KDM2B: variants seen among roughly 807,000 people sequenced by gnomAD.
The protein encoded by KDM2B is lysine-specific demethylase 2B.
A neutral mutation model predicts 150.0 loss-of-function variants in KDM2B; 26 were observed. The observed-to-expected ratio is 0.17, with a 90% CI of 0.13 to 0.24. The LOEUF (loss-of-function observed/expected upper bound fraction) is 0.24. KDM2B is among the 10% of genes least tolerant of loss of function. The pLI is 1.00. For missense variants in KDM2B, 1,265 were observed against 1,816.9 expected (o/e 0.70, Z 5.52); for synonymous variants, 734 against 729.5 (o/e 1.01, Z -0.10).
Position 121,442,209 on chromosome 12 carries a change from T to C in KDM2B, c.3232A>G (p.Ser1078Gly), listed in dbSNP as rs1298750498. The C allele has an allele frequency of 6.2e-7, 1 of 1,613,276 alleles. No homozygotes were observed. Among genetic ancestry groups the C allele is most frequent in the Non-Finnish European group, 8.5e-7 (1 of 1,179,988 alleles). Residue 1078 changes from serine (S) to glycine (G), a missense_variant, in exon 19 of 23, where the codon AGC becomes GGC. Around this residue, in one of 11 missense-constraint regions of KDM2B, gnomAD observed 251 missense variants for 397.8 expected, o/e 0.63. Transcript: ENST00000377071. The surrounding 1 kb of genome is among the most constrained non-coding windows in gnomAD (Gnocchi z 7.7). ...ATGCACACACACAGGTCTTGGTGGC[T>C]GAGGTAGCTGAAGACGGCCATCCAC... ...EVWMAVFSYL[S>G]HQDLCVCMRV...
chr12:121,445,208 C>T, intron 14 of KDM2B, 67 bp downstream of exon 14: 1 of 1,561,416 alleles, frequency 6.4e-7, no homozygotes. Flanking sequence ...CACCATCTCA[C>T]CAGCATCTCC....
Position 121,533,034 on chromosome 12 carries a change from G to C in KDM2B, c.778-75C>G. ...CCCAGAGAGAGGGCCCCACCTGCCT[G>C]GCGGAAGGGGAGGGGGCGAGACAAG... On this transcript the variant is annotated intron_variant, in intron 7 of 22. Coordinates refer to ENST00000377071, the MANE Select transcript of KDM2B (RefSeq NM_032590.5). The surrounding 1 kb of genome is among the most constrained non-coding windows in gnomAD (Gnocchi z 4.1). The C allele has an allele frequency of 6.7e-7, 1 of 1,503,318 alleles. No individual in the cohort carries two copies. Among genetic ancestry groups the C allele is most frequent in the Middle Eastern group, 1.7e-4 (1 of 5,756 alleles). 93.1% of individuals were successfully genotyped at this position (1,503,318 alleles called of 1,614,324 possible). A position where few individuals can be genotyped will look rare whatever the true frequency, so the allele number is the denominator to read the frequency against.
rs2141132065 is a variant in KDM2B, at chr12:121,518,601, C to T, written c.1047+2384G>A. ...GATGCTCAGGGGTCCGGCCAGCACC[C>T]TGCCAGTCGTCATGGGTGGGGGAAG... On this transcript the variant is annotated intron_variant, in intron 9 of 22. Coordinates refer to ENST00000377071, the MANE Select transcript of KDM2B (RefSeq NM_032590.5). The surrounding 1 kb of genome is among the most constrained non-coding windows in gnomAD (Gnocchi z 4.4). Among the ~76,000 whole-genome samples the T allele has an allele frequency of 6.6e-6, 1 of 152,294 alleles. No homozygotes were observed. Among genetic ancestry groups the T allele is most frequent in the Non-Finnish European group, 1.5e-5 (1 of 68,030 alleles).
At chr12:121,570,594 G>T (rs910683506) in intron 4 of KDM2B, among the ~76,000 whole-genome samples, 1 of 152,148 alleles carries the variant, frequency 6.6e-6, no homozygotes, top group Non-Finnish European at 1.5e-5. Context: ...ACCAGAGTTG[G>T]CTTCTATAAA....
At chr12:121,538,026 G>T (rs1248470925) in intron 6 of KDM2B, among the ~76,000 whole-genome samples, 6 of 150,814 alleles carry the variant, frequency 4.0e-5, no homozygotes, top group African/African-American at 1.5e-4. Context: ...CGCGAGCCGA[G>T]CCCCCTCCAC....
At chr12:121,438,967 C>A (rs937719151) in intron 22 of KDM2B, among the ~76,000 whole-genome samples, 1 of 152,178 alleles carries the variant, frequency 6.6e-6, no homozygotes, top group African/African-American at 2.4e-5. Context: ...GGCAGCATTG[C>A]TCTGTGTACC....
In KDM2B at chr12:121,575,012, G is replaced by T. The variant is rs868918760; in HGVS notation, c.351-419C>A. Among the ~76,000 whole-genome samples, 1 of 152,144 alleles carries T rather than the reference G, an allele frequency of 6.6e-6. No individual in the cohort carries two copies. Among genetic ancestry groups the T allele is most frequent in the Non-Finnish European group, 1.5e-5 (1 of 68,030 alleles). Reference sequence around the variant, plus strand: ...TGAGGAGTTTTATGCAAAGTGGGACGGACCCCTTTAAGTTCAGAGGGAAAA... The same window carrying T: ...TGAGGAGTTTTATGCAAAGTGGGACTGACCCCTTTAAGTTCAGAGGGAAAA... On this transcript the variant is annotated intron_variant, in intron 3 of 22. Coordinates refer to ENST00000377071, the MANE Select transcript of KDM2B (RefSeq NM_032590.5). The surrounding 1 kb of genome is among the most constrained non-coding windows in gnomAD (Gnocchi z 4.4).
At chr12:121,529,598 T>C (rs184432757) in intron 8 of KDM2B, among the ~76,000 whole-genome samples, 29 of 151,954 alleles carry the variant, frequency 1.9e-4, no homozygotes, top group African/African-American at 7.0e-4. Context: ...AGGGTGTGAA[T>C]GCTGGAGAGA....
At chr12:121,424,710 C>CAAAAAAA (rs112812260), downstream of KDM2B, among the ~76,000 whole-genome samples, 1 of 116,520 alleles carries the variant, frequency 8.6e-6, no homozygotes, top group Non-Finnish European at 1.8e-5. Flanking sequence ...GACCTTGTCT[C>CAAAAAAA]AAAAAAAAAA....
chr12:121,412,745 G>C, the KDM2B span, among the ~76,000 whole-genome samples: 1 of 129,528 alleles, frequency 7.7e-6, no homozygotes, highest in Non-Finnish European at 1.6e-5. Context: ...TTTTTTTTGA[G>C]ATGGAGTCTC....
rs1011416931 is a variant in KDM2B at position 121,442,041 on chromosome 12, A to G, written c.3284+116T>C. 16 of 852,072 alleles carry G rather than the reference A, an allele frequency of 1.9e-5. No homozygotes were observed. Among genetic ancestry groups the G allele is most frequent in the Non-Finnish European group, 2.6e-5 (14 of 530,162 alleles). The allele number at this position is 852,072 out of a possible 1,614,324, so 52.8% of individuals were successfully genotyped here. ...CAGCTGGAACGCTTTGCGGAGCACA[A>G]TGAAGCCATACTGGGGTTTGGAAGG... On this transcript the variant is annotated intron_variant, in intron 19 of 22. Transcript: ENST00000377071. This position sits in a 1 kb window ranked among gnomAD's most constrained non-coding sequence, Gnocchi z 7.7.
At chr12:121,415,463 ATAAAT>A in the KDM2B span, among the ~76,000 whole-genome samples, 1 of 152,034 alleles carries the variant, frequency 6.6e-6, no homozygotes, top group Non-Finnish European at 1.5e-5. Context: ...TCTACTAAAA[ATAAAT>A]TAGCCAAGTG....
chr12:121,420,469 C>T, the KDM2B span: 4 of 1,564,196 alleles, frequency 2.6e-6, no homozygotes, highest in Non-Finnish European at 3.5e-6. Flanking sequence ...TGAAACACTT[C>T]TAGGACTGCT....
intron 12 of KDM2B, among the ~76,000 whole-genome samples, chr12:121,487,807 T>G (rs1272619688): frequency 6.6e-6 from 1 of 151,594 alleles, no homozygotes; most frequent in Non-Finnish European, 1.5e-5. Flanking sequence ...TTTTTTTTTT[T>G]TTTTGAGACA....
chr12:121,559,578 G>A (rs549549816), intron 4 of KDM2B, among the ~76,000 whole-genome samples: 1 of 152,220 alleles, frequency 6.6e-6, no homozygotes, highest in African/African-American at 2.4e-5. Context: ...GATGTAGGGA[G>A]AATCCAGAGA....
intron 12 of KDM2B, among the ~76,000 whole-genome samples, chr12:121,456,806 C>T (rs1011125130): frequency 6.6e-6 from 1 of 152,202 alleles, no homozygotes; most frequent in Non-Finnish European, 1.5e-5. Flanking sequence ...ACCTCAACAG[C>T]AGTTGAGACA....
At chr12:121,485,079 C>G (rs1555298609) in intron 12 of KDM2B, among the ~76,000 whole-genome samples, 1 of 152,144 alleles carries the variant, frequency 6.6e-6, no homozygotes, top group East Asian at 1.9e-4. Context: ...TGAAGCAGAT[C>G]CTCCCACAGC....
At chr12:121,450,555 G>C (rs1477535290) in intron 13 of KDM2B, among the ~76,000 whole-genome samples, 1 of 151,966 alleles carries the variant, frequency 6.6e-6, no homozygotes, top group African/African-American at 2.4e-5. Flanking sequence ...ATGTTGGTGG[G>C]GACACAGAGA....
intron 6 of KDM2B, among the ~76,000 whole-genome samples, chr12:121,542,510 C>A (rs1263368687): frequency 6.6e-6 from 1 of 152,228 alleles, no homozygotes; most frequent in Non-Finnish European, 1.5e-5. Flanking sequence ...TTCCCAGATT[C>A]CTGAATCACA....
Sources: gnomAD v4.1 joint callset for allele counts (sites outside exome capture counted in the v4.1 genomes callset) on GRCh38, gnomAD v4.1.1 for gene constraint, gnomAD v4.1.1 regional missense constraint, Gnocchi (gnomAD v3.1) non-coding constraint, MANE v1.5 for transcripts, NCBI Gene and HGNC (gene_info 2026-07-23, HGNC 2026-07-21) for gene names.